The following BPNT2 variants were observed in gnomAD, a reference collection of about 807,000 sequenced individuals.
The protein encoded by BPNT2 is Golgi-resident adenosine 3',5'-bisphosphate 3'-phosphatase.
BPNT2 carries 11 observed loss-of-function variants against 29.3 expected under a neutral mutation model. That is an observed-to-expected ratio of 0.38 (90% CI 0.24 to 0.62). The LOEUF (loss-of-function observed/expected upper bound fraction) is 0.62, where lower values mean the gene tolerates loss of function less well. Ranked by LOEUF, BPNT2 falls within the 20% of genes least tolerant of loss-of-function variation. The pLI is 0.62. For synonymous variants in BPNT2, 195 were observed against 187.7 expected (o/e 1.04, Z -0.32); for missense variants, 459 against 473.4 (o/e 0.97, Z 0.28).
chr8:56,972,258 C>T (rs1288438081), intron 3 of BPNT2, among the ~76,000 whole-genome samples: 1 of 151,490 alleles, frequency 6.6e-6, no homozygotes, highest in East Asian at 1.9e-4. Flanking sequence ...TTGAATAACA[C>T]CCATGAGACT....
intron 2 of BPNT2, among the ~76,000 whole-genome samples, chr8:56,979,718 G>C (rs746475390): frequency 1.1e-4 from 17 of 152,256 alleles, no homozygotes; most frequent in Non-Finnish European, 1.9e-4. Flanking sequence ...GGTAAAAAAG[G>C]GGACTGGAGG....
chr8:56,965,191 T>C (rs552161522), intron 4 of BPNT2, among the ~76,000 whole-genome samples: 1 of 152,064 alleles, frequency 6.6e-6, no homozygotes, highest in African/African-American at 2.4e-5. Context: ...TGGTGGTGCA[T>C]GCCTGTAGTC....
At chr8:56,967,360 C>T (rs1438460166) in intron 3 of BPNT2, 2 of 413,592 alleles carry the variant, frequency 4.8e-6, no homozygotes, top group African/African-American at 4.1e-5. Flanking sequence ...AATACCCATG[C>T]TCTGTACCTA....
chr8:56,966,716 C>T (rs1356489987), intron 3 of BPNT2, among the ~76,000 whole-genome samples: 1 of 152,224 alleles, frequency 6.6e-6, no homozygotes, highest in African/African-American at 2.4e-5. Flanking sequence ...GTGATCCCAA[C>T]AGCACTCCCT....
rs148820865 is a variant in BPNT2 at position 56,993,250 on chromosome 8, C to A, written c.336G>T (p.Leu112=). Residue 112 remains leucine (L), a synonymous_variant, in exon 1 of 5, where the codon CTG becomes CTT. Coordinates refer to ENST00000262644, the MANE Select transcript of BPNT2 (RefSeq NM_017813.5). The part of the protein sequence containing the change: ...AEDKMTSGDV[L]SNRKMFYLLK... Reference sequence around the variant, plus strand: ...GCAGGTAGAACATCTTGCGGTTGGACAGCACGTCGCCGCTGGTCATCTTGT... The same window carrying A: ...GCAGGTAGAACATCTTGCGGTTGGAAAGCACGTCGCCGCTGGTCATCTTGT... 8 of 1,608,656 alleles carry A rather than the reference C, an allele frequency of 5.0e-6. No individual in the cohort carries two copies. Among genetic ancestry groups the A allele is most frequent in the Non-Finnish European group, 5.9e-6 (7 of 1,179,854 alleles).
At chr8:56,981,106 A>G (rs1806234385) in intron 1 of BPNT2, among the ~76,000 whole-genome samples, 2 of 152,094 alleles carry the variant, frequency 1.3e-5, no homozygotes. Context: ...GAATGCCACT[A>G]GAACGCACCA....
At chr8:56,965,381 G>A (rs144873968) in intron 4 of BPNT2, among the ~76,000 whole-genome samples, 118 of 152,228 alleles carry the variant, frequency 7.8e-4, no homozygotes, top group African/African-American at 2.7e-3. Context: ...CTTTATGTGT[G>A]CTGAGAAGGT....
At position 56,993,147 on chromosome 8, in the gene BPNT2, G is replaced by A. The variant is rs1375371005; in HGVS notation, c.387+52C>T. 2.6e-6 allele frequency: 4 copies of A among 1,562,036 alleles called. No individual in the cohort carries two copies. The East Asian group carries it at 7.1e-5, about 28-fold the overall frequency. On this transcript the variant is annotated intron_variant, in intron 1 of 4. Transcript: ENST00000262644. ...CATCCCATACTGTTAAGAGTCGACG[G>A]GCCGAGACGCGCTACCCGGCTCGAG...
rs1025377927 is a variant in BPNT2, at chr8:56,963,496, A to G, written c.*297T>C. 9.0e-6 allele frequency: 3 copies of G among 332,348 alleles called. No individual in the cohort carries two copies. Among genetic ancestry groups the G allele is most frequent in the South Asian group, 9.7e-5 (2 of 20,536 alleles). 20.6% of individuals were successfully genotyped at this position (332,348 alleles called of 1,614,324 possible). ...TGATGTTGTGTGAAAATGGTGACTC[A>G]TAACAATGTAGACTCAGCTACAGAT... On this transcript the variant is annotated 3_prime_UTR_variant, in exon 5 of 5. Coordinates refer to ENST00000262644, the MANE Select transcript of BPNT2 (RefSeq NM_017813.5).
intron 1 of BPNT2, among the ~76,000 whole-genome samples, chr8:56,990,356 T>G (rs1806398504): frequency 6.6e-6 from 1 of 152,200 alleles, no homozygotes; most frequent in Non-Finnish European, 1.5e-5. Context: ...TCTTCAGCCT[T>G]CATTTTCATT....
chr8:56,964,679 GGT>G (rs2129203333), intron 4 of BPNT2, among the ~76,000 whole-genome samples: 2 of 152,170 alleles, frequency 1.3e-5, no homozygotes, highest in East Asian at 3.9e-4. Flanking sequence ...TCTACATTGT[GGT>G]TATTTTCTAT....
At chr8:56,981,305 G>A (rs770677436) in intron 1 of BPNT2, among the ~76,000 whole-genome samples, 42 of 152,290 alleles carry the variant, frequency 2.8e-4, no homozygotes, top group Non-Finnish European at 4.7e-4. Context: ...GGTGGCTCAC[G>A]CCTGTAATCC....
At position 56,960,691 on chromosome 8, in the gene BPNT2, T is replaced by C. The variant is rs983116936; in HGVS notation, c.*3102A>G. ...CAGTAAAAGCAAGTTTCCTCAAGCA[T>C]GCATATCTACCCAACTCTCTTGTAT... On this transcript the variant is annotated 3_prime_UTR_variant, in exon 5 of 5. Coordinates refer to ENST00000262644, the MANE Select transcript of BPNT2 (RefSeq NM_017813.5). 6.6e-6 allele frequency: 1 copy of C among 152,150 alleles called. No homozygotes were observed. Among genetic ancestry groups the C allele is most frequent in the Non-Finnish European group, 1.5e-5 (1 of 68,032 alleles). The allele number at this position is 152,150 out of a possible 1,614,324, so 9.4% of individuals were successfully genotyped here. A position where few individuals can be genotyped will look rare whatever the true frequency, so the allele number is the denominator to read the frequency against.
At position 56,980,016 on chromosome 8, in the gene BPNT2, A is replaced by AG; in HGVS notation, c.550+18dup. The stretch of plus-strand genomic sequence containing the variant: ...TACTAAACGTCAATCAAATGTTTTG[A>AG]GTTCAGTTTAAAAATTACCTGTATA... On this transcript the variant is annotated intron_variant, in intron 2 of 4. Coordinates refer to ENST00000262644, the MANE Select transcript of BPNT2 (RefSeq NM_017813.5). The AG allele has an allele frequency of 6.2e-7, 1 of 1,611,988 alleles. No homozygotes were observed. Among genetic ancestry groups the AG allele is most frequent in the African/African-American group, 1.3e-5 (1 of 74,990 alleles).
In BPNT2 at chr8:56,980,533, A is replaced by C. The variant is rs73603812; in HGVS notation, c.388-336T>G. ...TGCTTTATGAAAGATAATAGCTCTAAAGTGTGAAAATAGACAATATTCTGG... is the reference window on the plus strand; with the variant it reads ...TGCTTTATGAAAGATAATAGCTCTACAGTGTGAAAATAGACAATATTCTGG... On this transcript the variant is annotated intron_variant, in intron 1 of 4. Transcript: ENST00000262644. Among the ~76,000 whole-genome samples, 779 of 152,240 alleles carry C rather than the reference A, an allele frequency of 5.1e-3. 6 individuals are homozygous for C. The highest frequency in any genetic ancestry group is 0.017 in the African/African-American group (715 of 41,534).
intron 3 of BPNT2, among the ~76,000 whole-genome samples, chr8:56,967,707 G>A (rs960746333): frequency 6.6e-6 from 1 of 152,168 alleles, no homozygotes; most frequent in Non-Finnish European, 1.5e-5. Context: ...CAGCAAGGGA[G>A]GGGATGATGA....
intron 1 of BPNT2, among the ~76,000 whole-genome samples, chr8:56,992,601 T>G (rs1361668140): frequency 6.6e-6 from 1 of 152,122 alleles, no homozygotes; most frequent in Non-Finnish European, 1.5e-5. Flanking sequence ...GCTGGTATAT[T>G]TCTAAGTACC....
chr8:56,977,911 A>C, intron 3 of BPNT2, 139 bp downstream of exon 3: 2 of 686,982 alleles, frequency 2.9e-6, no homozygotes, highest in South Asian at 3.1e-5. Flanking sequence ...TGTTTAAGAC[A>C]CATAATTTGT....
rs895643774 is a variant in BPNT2 at position 56,959,196 on chromosome 8, C to T, written c.*4597G>A. On this transcript the variant is annotated 3_prime_UTR_variant, in exon 5 of 5. Coordinates refer to ENST00000262644, the MANE Select transcript of BPNT2 (RefSeq NM_017813.5). ...CAATATTATTCATCATCCTTAACTT[C>T]TGAAAGTTTGGTTTATGTTATCTTA... is the stretch of plus-strand genomic sequence containing the variant. 6.6e-6 allele frequency: 1 copy of T among 152,178 alleles called. No individual in the cohort carries two copies. Among genetic ancestry groups the T allele is most frequent in the African/African-American group, 2.4e-5 (1 of 41,444 alleles). The allele number at this position is 152,178 out of a possible 1,614,324, so 9.4% of individuals were successfully genotyped here.
Sources: allele counts gnomAD v4.1 joint callset (sites outside exome capture counted in the v4.1 genomes callset), GRCh38; gene constraint gnomAD v4.1.1; transcripts MANE v1.5; gene names NCBI Gene and HGNC (gene_info 2026-07-23, HGNC 2026-07-21).